NMNAT2: variants seen among roughly 807,000 people sequenced by gnomAD.
NMNAT2 encodes nicotinamide/nicotinic acid mononucleotide adenylyltransferase 2.
A neutral mutation model predicts 41.6 loss-of-function variants in NMNAT2; 11 were observed. That is an observed-to-expected ratio of 0.26 (90% CI 0.17 to 0.44). The LOEUF (loss-of-function observed/expected upper bound fraction) is 0.44, where lower values mean the gene tolerates loss of function less well. NMNAT2 is among the 20% of genes least tolerant of loss of function. The probability of loss-of-function intolerance (pLI) is 1.00; values close to 1 mark genes in which losing one functional copy is unlikely to be tolerated. For synonymous variants in NMNAT2, 148 were observed against 151.2 expected, an observed-to-expected ratio of 0.98 and a Z score of 0.16; for missense variants, 288 against 407.7, an observed-to-expected ratio of 0.71 and a Z score of 2.53.
At chr1:183,366,634 T>C (rs1390644616) in intron 1 of NMNAT2, among the ~76,000 whole-genome samples, 2 of 151,994 alleles carry the variant, frequency 1.3e-5, no homozygotes, top group African/African-American at 2.4e-5. Context: ...ATAGAATGGG[T>C]GTGGGAGTGA....
chr1:183,343,811 A>G (rs1333604240), intron 1 of NMNAT2, among the ~76,000 whole-genome samples: 1 of 152,180 alleles, frequency 6.6e-6, no homozygotes, highest in Non-Finnish European at 1.5e-5. Flanking sequence ...TGACTCCACA[A>G]CTTACGGTAC....
chr1:183,328,154 A>G (rs116495064), intron 1 of NMNAT2, among the ~76,000 whole-genome samples: 1,972 of 152,124 alleles, frequency 0.013, 53 homozygotes, highest in African/African-American at 0.045. Context: ...CAGCCACTCA[A>G]ACACACTGAG....
intron 8 of NMNAT2, among the ~76,000 whole-genome samples, chr1:183,273,724 CTCTT>C (rs535000059): frequency 1.6e-4 from 25 of 151,998 alleles, no homozygotes; most frequent in Admixed American, 2.0e-4. Context: ...TTCTTTCTTT[CTCTT>C]TCTTTCTTTC....
intron 1 of NMNAT2, among the ~76,000 whole-genome samples, chr1:183,365,697 C>T (rs1663398430): frequency 6.6e-6 from 1 of 151,944 alleles, no homozygotes; most frequent in Non-Finnish European, 1.5e-5. Flanking sequence ...GAGATCTTGC[C>T]ACTGCACTAC....
intron 1 of NMNAT2, among the ~76,000 whole-genome samples, chr1:183,354,499 C>T (rs74441813): frequency 0.01 from 1,558 of 150,342 alleles, 22 homozygotes; most frequent in African/African-American, 0.034. Flanking sequence ...GTAGCCTTGA[C>T]CCCCCAGGCT....
At chr1:183,308,032 C>T (rs1299218224) in intron 1 of NMNAT2, among the ~76,000 whole-genome samples, 1 of 152,122 alleles carries the variant, frequency 6.6e-6, no homozygotes, top group Admixed American at 6.5e-5. Flanking sequence ...GTCAGGCTGG[C>T]CTACAGTTCT....
intron 8 of NMNAT2, among the ~76,000 whole-genome samples, chr1:183,264,158 A>G (rs192039556): frequency 6.7e-4 from 102 of 152,254 alleles, no homozygotes; most frequent in South Asian, 2.1e-4. Context: ...TTGATTCTGT[A>G]AACTTGATGA....
At chr1:183,379,375 C>T (rs561490779) in intron 1 of NMNAT2, among the ~76,000 whole-genome samples, 1 of 151,908 alleles carries the variant, frequency 6.6e-6, no homozygotes, top group African/African-American at 2.4e-5. Flanking sequence ...GAGATGAGGT[C>T]TCCCTATGTT....
At chr1:183,318,536 A>T (rs1019478446) in intron 1 of NMNAT2, among the ~76,000 whole-genome samples, 1 of 152,166 alleles carries the variant, frequency 6.6e-6, no homozygotes, top group Admixed American at 6.5e-5. Context: ...GAAATCCCCC[A>T]AACAGGACGA....
At chr1:183,351,131 C>G (rs1274947592) in intron 1 of NMNAT2, among the ~76,000 whole-genome samples, 1 of 152,174 alleles carries the variant, frequency 6.6e-6, no homozygotes, top group African/African-American at 2.4e-5. Context: ...CCACTTATAT[C>G]TTTATCTGTT....
intron 1 of NMNAT2, among the ~76,000 whole-genome samples, chr1:183,336,886 A>C (rs1045948681): frequency 1.3e-5 from 2 of 152,250 alleles, no homozygotes; most frequent in African/African-American, 4.8e-5. Flanking sequence ...ACACAAAAGG[A>C]TACAATCTAC....
At chr1:183,393,409 G>A (rs2811566) in intron 1 of NMNAT2, among the ~76,000 whole-genome samples, 63,473 of 151,616 alleles carry the variant, frequency 0.42, 13,963 homozygotes, top group East Asian at 0.66. Flanking sequence ...GTGCAAACTT[G>A]GGATGAACCT....
chr1:183,299,469 G>A (rs139833273), intron 1 of NMNAT2, among the ~76,000 whole-genome samples: 1 of 152,280 alleles, frequency 6.6e-6, no homozygotes, highest in East Asian at 1.9e-4. Flanking sequence ...TGAAGAAAAG[G>A]CAATCTCAAA....
chr1:183,302,994 C>G (rs1404164889), intron 1 of NMNAT2, among the ~76,000 whole-genome samples: 6 of 152,146 alleles, frequency 3.9e-5, no homozygotes, highest in African/African-American at 1.4e-4. Flanking sequence ...ATCTGTTGGC[C>G]TTGTCATACC....
intron 1 of NMNAT2, among the ~76,000 whole-genome samples, chr1:183,332,831 C>T (rs1662612045): frequency 6.6e-6 from 1 of 152,200 alleles, no homozygotes; most frequent in African/African-American, 2.4e-5. Context: ...TCGCCCAGGT[C>T]GGGGTGCACT....
At chr1:183,301,470 G>C (rs1369991982) in intron 1 of NMNAT2, among the ~76,000 whole-genome samples, 1 of 152,220 alleles carries the variant, frequency 6.6e-6, no homozygotes, top group Non-Finnish European at 1.5e-5. Flanking sequence ...CCCAAAATGA[G>C]GTCTATTTTT....
Position 183,405,274 on chromosome 1 carries a change from G to C in NMNAT2, c.85+12909C>G, listed in dbSNP as rs549021736. ...TCGAAACAATAGGATTCTAGGATTT[G>C]CTTCAAAATAATATAGGGCAAGGAT... On this transcript the variant is annotated intron_variant, in intron 1 of 10. Transcript: ENST00000287713. Among the ~76,000 whole-genome samples the C allele has an allele frequency of 6.6e-5, 10 of 152,220 alleles. No individual in the cohort carries two copies. In the East Asian group the frequency reaches 1.9e-3, roughly 29 times the overall value.
intron 1 of NMNAT2, among the ~76,000 whole-genome samples, chr1:183,361,120 T>C (rs2811557): frequency 0.69 from 105,166 of 152,066 alleles, 36,552 homozygotes; most frequent in East Asian, 0.9. Flanking sequence ...TACATGCCAA[T>C]CACTGTTGTA....
intron 1 of NMNAT2, among the ~76,000 whole-genome samples, chr1:183,321,291 C>T (rs1476242524): frequency 6.6e-6 from 1 of 152,128 alleles, no homozygotes; most frequent in Non-Finnish European, 1.5e-5. Context: ...GAAGCCCAAA[C>T]CATATACATA....
Sources: gnomAD v4.1 joint callset for allele counts (sites outside exome capture counted in the v4.1 genomes callset) on GRCh38, gnomAD v4.1.1 for gene constraint, MANE v1.5 for transcripts, NCBI Gene and HGNC (gene_info 2026-07-23, HGNC 2026-07-21) for gene names.